NDC1: variants seen among roughly 807,000 people sequenced by gnomAD.
NDC1 encodes nucleoporin NDC1.
Under a neutral mutation model 89.8 loss-of-function variants are expected in NDC1, and 24 were observed. That is an observed-to-expected ratio of 0.27 (90% CI 0.19 to 0.38). The LOEUF (loss-of-function observed/expected upper bound fraction) is 0.38. NDC1 is among the 10% of genes least tolerant of loss of function. The probability of loss-of-function intolerance (pLI) is 1.00; values close to 1 mark genes in which losing one functional copy is unlikely to be tolerated. For synonymous variants in NDC1, 296 were observed against 284.8 expected, an observed-to-expected ratio of 1.04 and a Z score of -0.39; for missense variants, 728 against 797.6, an observed-to-expected ratio of 0.91 and a Z score of 1.05.
chr1:53,791,329 G>A (rs553188422), intron 14 of NDC1, among the ~76,000 whole-genome samples: 1 of 151,992 alleles, frequency 6.6e-6, no homozygotes, highest in Non-Finnish European at 1.5e-5. Flanking sequence ...TGAGGCAGGA[G>A]AATGGCGTGA....
intron 17 of NDC1, among the ~76,000 whole-genome samples, chr1:53,772,087 T>C (rs1440463820): frequency 6.6e-6 from 1 of 152,100 alleles, no homozygotes; most frequent in Non-Finnish European, 1.5e-5. Flanking sequence ...ATATAATTAA[T>C]CTGCTGCATT....
chr1:53,835,491 A>T lies in NDC1; in HGVS notation c.178+9T>A. 2 of 1,597,670 alleles carry T rather than the reference A, an allele frequency of 1.3e-6. No homozygotes were observed. The highest frequency in any genetic ancestry group is 1.7e-6 in the Non-Finnish European group (2 of 1,175,148). On this transcript the variant is annotated intron_variant, in intron 2 of 17. Coordinates refer to ENST00000371429, the MANE Select transcript of NDC1 (RefSeq NM_018087.5). ...CTATAACTTTCTCCCCAAGTTGAGT[A>T]TCACCTACCAGACAGCCACTGTATA...
intron 13 of NDC1, among the ~76,000 whole-genome samples, chr1:53,794,425 AC>A (rs1237957330): frequency 6.6e-5 from 10 of 152,214 alleles, no homozygotes; most frequent in African/African-American, 2.4e-4. Flanking sequence ...AGCAAGCAGC[AC>A]GTGTCTGGTT....
chr1:53,792,163 T>G (rs146722194), intron 14 of NDC1, among the ~76,000 whole-genome samples: 2 of 152,032 alleles, frequency 1.3e-5, no homozygotes, highest in Admixed American at 6.6e-5. Flanking sequence ...AGGATGGTCT[T>G]GATCTCCTGA....
Position 53,818,956 on chromosome 1 carries a change from A to T in NDC1, c.703+15T>A. 8.4e-7 allele frequency: 1 copy of T among 1,196,256 alleles called. No individual in the cohort carries two copies. The highest frequency in any genetic ancestry group is 1.4e-5 in the South Asian group (1 of 73,596). The allele number at this position is 1,196,256 out of a possible 1,614,324, so 74.1% of individuals were successfully genotyped here. ...GAGATAATATATCACTGTATCAAAAAGCAGAAATTCTTACCAAGAAAATAA... is the reference window on the plus strand; with the variant it reads ...GAGATAATATATCACTGTATCAAAATGCAGAAATTCTTACCAAGAAAATAA... On this transcript the variant is annotated intron_variant, in intron 6 of 17. Coordinates refer to ENST00000371429, the MANE Select transcript of NDC1 (RefSeq NM_018087.5).
intron 16 of NDC1, among the ~76,000 whole-genome samples, chr1:53,786,383 C>G (rs1647310483): frequency 6.6e-6 from 1 of 152,166 alleles, no homozygotes; most frequent in Non-Finnish European, 1.5e-5. Flanking sequence ...ATTTTTTGCT[C>G]CTCTTTAAGT....
In NDC1 at chr1:53,796,935, T is replaced by C. The variant is rs1351156920; in HGVS notation, c.1432A>G (p.Ile478Val). ...CYGSPQSPQL[I>V]RRGPRLWTSA... ...GTCCACAATCTTGGCCCCCTTCTTATTAGCTGAGGACTTTGCGGTGACCCA... is the reference window on the plus strand; with the variant it reads ...GTCCACAATCTTGGCCCCCTTCTTACTAGCTGAGGACTTTGCGGTGACCCA... The change falls in exon 12 of 18, where the codon ATA becomes GTA. Residue 478 changes from isoleucine to valine, a missense_variant. Ile to Val is a conservative substitution (Grantham distance 29). Coordinates refer to ENST00000371429, the MANE Select transcript of NDC1 (RefSeq NM_018087.5). The C allele has an allele frequency of 6.2e-6, 10 of 1,614,218 alleles. No individual in the cohort carries two copies. Among genetic ancestry groups the C allele is most frequent in the Admixed American group, 3.3e-5 (2 of 60,028 alleles).
chr1:53,837,913 C>T lies in NDC1; in HGVS notation c.57+292G>A, dbSNP rs765389827. ...TTATTTATTTTGCACCTACTGGATA[C>T]GGTACCCTTGCGTAAAACTCCGCCT... On this transcript the variant is annotated intron_variant, in intron 1 of 17. Transcript: ENST00000371429. Among the ~76,000 whole-genome samples the T allele has an allele frequency of 6.2e-4, 94 of 152,196 alleles. 1 individual carries two copies. Among genetic ancestry groups the T allele is most frequent in the Non-Finnish European group, 1.2e-3 (81 of 68,034 alleles).
At position 53,767,955 on chromosome 1, in the gene NDC1, G is replaced by C; in HGVS notation, c.*15C>G. ...TTGTATCAGCAGTGTAATGAACACA[G>C]TTTATATTACTTAACTATTCTTTGA... On this transcript the variant is annotated 3_prime_UTR_variant, in exon 18 of 18. Transcript: ENST00000371429. 1 of 1,559,192 alleles carries C rather than the reference G, an allele frequency of 6.4e-7. No individual in the cohort carries two copies. The highest frequency in any genetic ancestry group is 8.8e-7 in the Non-Finnish European group (1 of 1,134,696).
intron 16 of NDC1, among the ~76,000 whole-genome samples, chr1:53,786,603 A>G (rs553040524): frequency 1.3e-5 from 2 of 152,374 alleles, no homozygotes; most frequent in East Asian, 3.9e-4. Flanking sequence ...GTTTAATACC[A>G]GGGGCATATC....
At chr1:53,807,609 AC>A in intron 8 of NDC1, 46 bp downstream of exon 8, 1 of 1,526,434 alleles carries the variant, frequency 6.6e-7, no homozygotes, top group East Asian at 2.3e-5. Flanking sequence ...TCAACTGTGC[AC>A]TCCAAAACAC....
intron 16 of NDC1, among the ~76,000 whole-genome samples, chr1:53,780,258 G>C (rs1476418599): frequency 1.3e-5 from 2 of 152,074 alleles, no homozygotes; most frequent in Non-Finnish European, 2.9e-5. Context: ...ATTTTTAGTA[G>C]AGATAGGGTT....
At position 53,827,982 on chromosome 1, in the gene NDC1, T is replaced by C. The variant is rs1419172498; in HGVS notation, c.455+17A>G. On this transcript the variant is annotated intron_variant, in intron 4 of 17. Coordinates refer to ENST00000371429, the MANE Select transcript of NDC1 (RefSeq NM_018087.5). Reference sequence around the variant, plus strand: ...TAAGTAAATGAGATTCCTAAGGAAATATATATTTAATATTACCTGTTAGTA... The same window carrying C: ...TAAGTAAATGAGATTCCTAAGGAAACATATATTTAATATTACCTGTTAGTA... The C allele has an allele frequency of 1.9e-6, 3 of 1,570,826 alleles. No individual in the cohort carries two copies. Among genetic ancestry groups the C allele is most frequent in the Non-Finnish European group, 2.6e-6 (3 of 1,154,328 alleles).
chr1:53,809,406 C>T (rs1350189308), intron 7 of NDC1, among the ~76,000 whole-genome samples: 1 of 152,084 alleles, frequency 6.6e-6, no homozygotes, highest in Non-Finnish European at 1.5e-5. Flanking sequence ...GGCTGGAGTG[C>T]AGTGGCACAA....
chr1:53,806,388 G>C, intron 9 of NDC1, 37 bp downstream of exon 9: 2 of 1,349,674 alleles, frequency 1.5e-6, no homozygotes. Context: ...TAAAGTTAGA[G>C]AAAACTGTGT....
intron 16 of NDC1, among the ~76,000 whole-genome samples, chr1:53,780,693 C>T (rs891667696): frequency 6.6e-6 from 1 of 151,894 alleles, no homozygotes; most frequent in African/African-American, 2.4e-5. Context: ...CCAAGGCTAT[C>T]TAAAGAATGT....
At chr1:53,771,978 T>A (rs1008144021) in intron 17 of NDC1, among the ~76,000 whole-genome samples, 14 of 152,176 alleles carry the variant, frequency 9.2e-5, no homozygotes, top group Non-Finnish European at 1.3e-4. Context: ...GACCAAGATA[T>A]AACAATAGAA....
chr1:53,830,598 T>C (rs1191587954), intron 3 of NDC1, among the ~76,000 whole-genome samples: 4 of 152,106 alleles, frequency 2.6e-5, no homozygotes, highest in African/African-American at 7.2e-5. Context: ...CGGTGGCTCA[T>C]GCTTGTAATC....
At position 53,820,688 on chromosome 1, in the gene NDC1, T is replaced by A. The variant is rs367786946; in HGVS notation, c.595-1609A>T. Among the ~76,000 whole-genome samples the A allele has an allele frequency of 3.0e-3, 445 of 149,090 alleles. 5 individuals are homozygous for A. Among genetic ancestry groups the A allele is most frequent in the African/African-American group, 0.01 (414 of 40,652 alleles). On this transcript the variant is annotated intron_variant, in intron 5 of 17. Coordinates refer to ENST00000371429, the MANE Select transcript of NDC1 (RefSeq NM_018087.5). ...TAAGGAAAAAGAAAAAAATAAAAGATGTACTTCTCTCTCTTTTTTTTTTTT... is the reference window on the plus strand; with the variant it reads ...TAAGGAAAAAGAAAAAAATAAAAGAAGTACTTCTCTCTCTTTTTTTTTTTT...
Sources: allele counts gnomAD v4.1 joint callset (sites outside exome capture counted in the v4.1 genomes callset), GRCh38; gene constraint gnomAD v4.1.1; transcripts MANE v1.5; gene names NCBI Gene and HGNC (gene_info 2026-07-23, HGNC 2026-07-21).